The following BTRC variants were observed in gnomAD, a reference collection of about 807,000 sequenced individuals.
BTRC encodes the protein F-box/WD repeat-containing protein 1A.
BTRC carries 42 observed loss-of-function variants against 85.5 expected under a neutral mutation model. That is an observed-to-expected ratio of 0.49 (90% CI 0.38 to 0.64). The LOEUF (loss-of-function observed/expected upper bound fraction) is 0.64. Ranked by LOEUF, BTRC falls within the 30% of genes least tolerant of loss-of-function variation. The pLI, the probability that BTRC is intolerant of heterozygous loss-of-function variation, is 0.00. For missense variants in BTRC, 594 were observed against 743.5 expected (o/e 0.80, Z 2.34); for synonymous variants, 255 against 263.3 (o/e 0.97, Z 0.30).
chr10:101,517,124 T>G (rs1410263871), intron 4 of BTRC, among the ~76,000 whole-genome samples: 1 of 152,192 alleles, frequency 6.6e-6, no homozygotes, highest in South Asian at 2.1e-4. Context: ...CCAAGGCCTG[T>G]GTCCAACAAG....
intron 13 of BTRC, among the ~76,000 whole-genome samples, chr10:101,540,409 G>A (rs77209663): frequency 0.067 from 10,135 of 152,112 alleles, 351 homozygotes; most frequent in Non-Finnish European, 0.074. Context: ...TTGCAGCTTT[G>A]TCAAAAATGA....
intron 4 of BTRC, among the ~76,000 whole-genome samples, chr10:101,490,834 G>A (rs572621397): frequency 9.2e-5 from 14 of 152,212 alleles, no homozygotes; most frequent in South Asian, 4.2e-4. Context: ...CTAGGTGGGC[G>A]GATCACTTGA....
chr10:101,392,430 C>T (rs569685197), intron 1 of BTRC, among the ~76,000 whole-genome samples: 2 of 152,228 alleles, frequency 1.3e-5, no homozygotes, highest in East Asian at 3.9e-4. Flanking sequence ...ATTAAGGGAA[C>T]ACGTATCAAA....
chr10:101,397,726 C>A (rs1415159128), intron 1 of BTRC, among the ~76,000 whole-genome samples: 3 of 152,028 alleles, frequency 2.0e-5, no homozygotes, highest in African/African-American at 7.3e-5. Flanking sequence ...TTTTTTCATA[C>A]CCTGTTACTG....
chr10:101,402,892 G>C (rs1943526414), intron 1 of BTRC, among the ~76,000 whole-genome samples: 1 of 152,042 alleles, frequency 6.6e-6, no homozygotes, highest in Admixed American at 6.6e-5. Flanking sequence ...GAGTTTATAT[G>C]GTCTAACAAT....
At chr10:101,487,119 G>T (rs555998499) in intron 4 of BTRC, among the ~76,000 whole-genome samples, 1 of 152,060 alleles carries the variant, frequency 6.6e-6, no homozygotes, top group South Asian at 2.1e-4. Context: ...TTGTTATATG[G>T]GACAAAATAA....
chr10:101,366,788 A>ATAT (rs1482374733), intron 1 of BTRC, among the ~76,000 whole-genome samples: 2 of 68,854 alleles, frequency 2.9e-5, no homozygotes, highest in East Asian at 3.5e-4. Context: ...ATATATATAT[A>ATAT]TTTTTACATT....
At chr10:101,368,713 C>G (rs1942547236) in intron 1 of BTRC, among the ~76,000 whole-genome samples, 1 of 152,062 alleles carries the variant, frequency 6.6e-6, no homozygotes, top group Admixed American at 6.6e-5. Context: ...TCTTGCAGTG[C>G]TCACTTAATA....
chr10:101,524,763 T>C (rs1175938091), intron 5 of BTRC, among the ~76,000 whole-genome samples: 3 of 152,220 alleles, frequency 2.0e-5, no homozygotes, highest in African/African-American at 7.2e-5. Flanking sequence ...ATATCTTTAA[T>C]TGGCTTTTGT....
chr10:101,461,123 A>G (rs1945214194), intron 2 of BTRC, among the ~76,000 whole-genome samples: 1 of 152,136 alleles, frequency 6.6e-6, no homozygotes, highest in South Asian at 2.1e-4. Flanking sequence ...GCTGGTCTCA[A>G]ACTCCTGACC....
At chr10:101,496,859 A>G (rs867143633) in intron 4 of BTRC, among the ~76,000 whole-genome samples, 2 of 152,108 alleles carry the variant, frequency 1.3e-5, no homozygotes, top group Non-Finnish European at 2.9e-5. Context: ...TGATGTATGT[A>G]TTGCATATAT....
At chr10:101,451,490 G>A (rs746371780) in intron 2 of BTRC, among the ~76,000 whole-genome samples, 8 of 152,238 alleles carry the variant, frequency 5.3e-5, no homozygotes, top group Middle Eastern at 3.4e-3. Context: ...TGTGTCATGC[G>A]CTTTGACATA....
At chr10:101,356,001 C>T (rs1942023133) in intron 1 of BTRC, among the ~76,000 whole-genome samples, 1 of 152,136 alleles carries the variant, frequency 6.6e-6, no homozygotes, top group Non-Finnish European at 1.5e-5. Flanking sequence ...TTTTTGTTTT[C>T]CTACTTAGAG....
chr10:101,366,891 T>C (rs1366172161), intron 1 of BTRC, among the ~76,000 whole-genome samples: 1 of 39,554 alleles, frequency 2.5e-5, no homozygotes, highest in African/African-American at 8.3e-5. Flanking sequence ...TATATATTTA[T>C]ATATATTTAT....
intron 4 of BTRC, among the ~76,000 whole-genome samples, chr10:101,488,325 A>T (rs767654045): frequency 1.3e-5 from 2 of 152,068 alleles, no homozygotes; most frequent in Non-Finnish European, 2.9e-5. Context: ...TTGTTTTTCT[A>T]TTACCTGTGC....
intron 2 of BTRC, among the ~76,000 whole-genome samples, chr10:101,450,883 C>A (rs1944940833): frequency 6.6e-6 from 1 of 152,116 alleles, no homozygotes; most frequent in Admixed American, 6.6e-5. Context: ...AATTCGCAGA[C>A]CTAGCAATAT....
At chr10:101,379,467 A>T in intron 1 of BTRC, among the ~76,000 whole-genome samples, 1 of 152,208 alleles carries the variant, frequency 6.6e-6, no homozygotes, top group East Asian at 1.9e-4. Flanking sequence ...ATGTGTCTTT[A>T]AAATGTAGGT....
At chr10:101,361,597 G>T (rs1330318641) in intron 1 of BTRC, among the ~76,000 whole-genome samples, 5 of 152,152 alleles carry the variant, frequency 3.3e-5, no homozygotes, top group African/African-American at 9.7e-5. Flanking sequence ...CTATGGGAAG[G>T]GTCCACTGGA....
At chr10:101,424,610 A>G (rs1208715835) in intron 1 of BTRC, among the ~76,000 whole-genome samples, 1 of 152,180 alleles carries the variant, frequency 6.6e-6, no homozygotes, top group African/African-American at 2.4e-5. Context: ...CGTATAGTAA[A>G]TGCTGAGGCT....
Sources: allele counts gnomAD v4.1 joint callset (sites outside exome capture counted in the v4.1 genomes callset), GRCh38; gene constraint gnomAD v4.1.1; transcripts MANE v1.5; gene names NCBI Gene and HGNC (gene_info 2026-07-23, HGNC 2026-07-21).